Variants in OSTN observed in about 807,000 individuals in gnomAD.
The protein encoded by OSTN is osteocrin.
In OSTN, 9 loss-of-function variants were observed where a neutral mutation model predicts 12.0. That is an observed-to-expected ratio of 0.75 (90% confidence interval 0.45 to 1.30). The LOEUF is 1.30. OSTN is among the 50% of genes most tolerant of loss of function. The pLI, the probability that OSTN is intolerant of heterozygous loss-of-function variation, is 0.00. For synonymous variants in OSTN, 59 were observed against 56.9 expected, an observed-to-expected ratio of 1.04 and a Z score of -0.16; for missense variants, 148 against 152.3, an observed-to-expected ratio of 0.97 and a Z score of 0.15.
At chr3:191,255,043 G>A (rs1715640616) in intron 4 of OSTN, among the ~76,000 whole-genome samples, 1 of 152,142 alleles carries the variant, frequency 6.6e-6, no homozygotes, top group South Asian at 2.1e-4. Flanking sequence ...TGGTTTCCTG[G>A]AAGACAATTT....
rs1471174417 is a variant in OSTN at position 191,218,793 on chromosome 3, G to A, written c.149G>A (p.Arg50Lys). The A allele has an allele frequency of 6.2e-7, 1 of 1,614,060 alleles. No individual in the cohort carries two copies. Among genetic ancestry groups the A allele is most frequent in the Non-Finnish European group, 8.5e-7 (1 of 1,179,972 alleles). Residue 50 changes from arginine to lysine, a missense_variant, in exon 3 of 5, where the codon AGG becomes AAG. Transcript: ENST00000682035. ...GATGTGCAGTCAACACCCACAGTCA[G>A]GGAAGAGAAATCAGCCACTGACCTG... Reference protein sequence around the residue: ...VIDVQSTPTVREEKSATDLTA... With the variant: ...VIDVQSTPTVKEEKSATDLTA...
chr3:191,208,144 TA>T (rs564865260), intron 1 of OSTN, among the ~76,000 whole-genome samples: 50 of 151,272 alleles, frequency 3.3e-4, no homozygotes, highest in Admixed American at 1.2e-3. Context: ...AATGATGTGC[TA>T]AAAAAAAATG....
At chr3:191,217,790 G>A (rs1273711672) in intron 2 of OSTN, among the ~76,000 whole-genome samples, 2 of 152,180 alleles carry the variant, frequency 1.3e-5, no homozygotes, top group African/African-American at 4.8e-5. Context: ...TAGAGATGGT[G>A]AGATGCTTAG....
chr3:191,223,973 A>G (rs182758623), intron 3 of OSTN, among the ~76,000 whole-genome samples: 1 of 152,298 alleles, frequency 6.6e-6, no homozygotes, highest in Admixed American at 6.5e-5. Flanking sequence ...GATGGATAAT[A>G]GTAAAAGAAT....
In OSTN at chr3:191,258,700, A is replaced by G. The variant is rs75080221; in HGVS notation, c.*13-4166A>G. ...TCAAGGCTTTCACTGAATCCCAGGT[A>G]CCCCCAAAAGAGGAAAGCACCATGG... On this transcript the variant is annotated intron_variant, in intron 4 of 4. Transcript: ENST00000682035. 2.0e-3 allele frequency among the ~76,000 whole-genome samples: 310 copies of G among 151,794 alleles called. 8 individuals are homozygous for G. In the East Asian group the frequency reaches 0.053, roughly 26 times the overall value.
chr3:191,238,204 C>A (rs1444920067), intron 3 of OSTN, among the ~76,000 whole-genome samples: 6 of 152,024 alleles, frequency 3.9e-5, no homozygotes, highest in Non-Finnish European at 8.8e-5. Flanking sequence ...GTGACTGAGG[C>A]ATTTCTCAAT....
rs1289076528 is a variant in OSTN at position 191,263,174 on chromosome 3, C to CATG, written c.*322_*324dup. The CATG allele has an allele frequency of 3.5e-6, 1 of 289,580 alleles. No individual in the cohort carries two copies. Among genetic ancestry groups the CATG allele is most frequent in the African/African-American group, 2.2e-5 (1 of 45,922 alleles). The allele number at this position is 289,580 out of a possible 1,614,324, so 17.9% of individuals were successfully genotyped here. A position where few individuals can be genotyped will look rare whatever the true frequency, so the allele number is the denominator to read the frequency against. On this transcript the variant is annotated 3_prime_UTR_variant, in exon 5 of 5. Transcript: ENST00000682035. ...TGAAATGCCTTCTGTATGGATTTAC[C>CATG]ATGCACATGTTTGTAGTCAAAGAAT...
At chr3:191,236,814 C>T (rs1715203373) in intron 3 of OSTN, among the ~76,000 whole-genome samples, 1 of 152,128 alleles carries the variant, frequency 6.6e-6, no homozygotes, top group Admixed American at 6.5e-5. Context: ...AAATGCCTGA[C>T]CTTCTGGGAA....
intron 3 of OSTN, among the ~76,000 whole-genome samples, chr3:191,246,663 G>A (rs1715439753): frequency 6.6e-6 from 1 of 151,186 alleles, no homozygotes; most frequent in South Asian, 2.1e-4. Context: ...GAAAGGTAAA[G>A]GGGAAGGGGA....
chr3:191,213,132 G>C (rs1714509626), intron 2 of OSTN, among the ~76,000 whole-genome samples: 1 of 151,902 alleles, frequency 6.6e-6, no homozygotes. Context: ...ACCTTCCAAA[G>C]TGCTGGGATT....
chr3:191,216,119 G>A (rs1714603735), intron 2 of OSTN, among the ~76,000 whole-genome samples: 1 of 151,848 alleles, frequency 6.6e-6, no homozygotes, highest in African/African-American at 2.4e-5. Context: ...CAATGTACCA[G>A]CAGGCCCCCA....
chr3:191,263,019 A>G lies in OSTN; in HGVS notation c.*166A>G, dbSNP rs1715846759. 1 of 581,226 alleles carries G rather than the reference A, an allele frequency of 1.7e-6. No homozygotes were observed. Among genetic ancestry groups the G allele is most frequent in the Non-Finnish European group, 3.1e-6 (1 of 321,204 alleles). The allele number at this position is 581,226 out of a possible 1,614,324, so 36.0% of individuals were successfully genotyped here. ...GTCCATCACATTACAGCATTGTTAC[A>G]GCTTCAATTAAATTGTGTAAATCAT... is the stretch of plus-strand genomic sequence containing the variant. On this transcript the variant is annotated 3_prime_UTR_variant, in exon 5 of 5. Coordinates refer to ENST00000682035, the MANE Select transcript of OSTN (RefSeq NM_198184.2).
chr3:191,243,849 T>C (rs1715373408), intron 3 of OSTN, among the ~76,000 whole-genome samples: 1 of 152,136 alleles, frequency 6.6e-6, no homozygotes, highest in Non-Finnish European at 1.5e-5. Context: ...TTCATCGTAC[T>C]CAATTCCTTT....
At chr3:191,204,487 A>G (rs1714224543) in intron 1 of OSTN, among the ~76,000 whole-genome samples, 1 of 152,202 alleles carries the variant, frequency 6.6e-6, no homozygotes, top group Non-Finnish European at 1.5e-5. Context: ...ATTTGAGTTT[A>G]TGAAGATCCC....
rs373000457 is a variant in OSTN at position 191,263,336 on chromosome 3, C to A, written c.*483C>A. The A allele has an allele frequency of 6.6e-6, 1 of 152,666 alleles. No homozygotes were observed. The highest frequency in any genetic ancestry group is 1.5e-5 in the Non-Finnish European group (1 of 68,468). The allele number at this position is 152,666 out of a possible 1,614,324, so 9.5% of individuals were successfully genotyped here. ...TATTCCATTTTTCCAAGAGTCTGAT[C>A]GGTAATAATTATGAAATTAGGCTTC... On this transcript the variant is annotated 3_prime_UTR_variant, in exon 5 of 5. Coordinates refer to ENST00000682035, the MANE Select transcript of OSTN (RefSeq NM_198184.2).
rs758051030 is a variant in OSTN, at chr3:191,218,871, T to C, written c.227T>C (p.Ile76Thr). 1.2e-6 allele frequency: 2 copies of C among 1,614,110 alleles called. No homozygotes were observed. The highest frequency in any genetic ancestry group is 4.5e-5 in the East Asian group (2 of 44,874). ...TTGGTGTCCCTAGAAAATGATGTGA[T>C]TGAGACAAAGAAGAAAAGGAGTTTC... ...DELVSLENDV[I>T]ETKKKRSFSG... The change falls in exon 3 of 5, where the codon ATT (isoleucine) becomes ACT (threonine). Residue 76 changes from isoleucine to threonine, a missense_variant. Transcript: ENST00000682035.
chr3:191,259,441 TCCAC>T (rs1715752351), intron 4 of OSTN, among the ~76,000 whole-genome samples: 7 of 151,670 alleles, frequency 4.6e-5, no homozygotes, highest in Non-Finnish European at 7.4e-5. Context: ...GACATCATGA[TCCAC>T]CCGCCTTGGC....
chr3:191,212,506 G>A, intron 1 of OSTN, 27 bp from the exon 2 acceptor site: 1 of 1,462,728 alleles, frequency 6.8e-7, no homozygotes, highest in Non-Finnish European at 9.4e-7. Context: ...ACGAATCAAT[G>A]CTAACTATGA....
chr3:191,232,832 C>A (rs1405271470), intron 3 of OSTN, among the ~76,000 whole-genome samples: 3 of 152,132 alleles, frequency 2.0e-5, no homozygotes, highest in Non-Finnish European at 4.4e-5. Context: ...CCAGCCTGGT[C>A]TCGAGCTCCT....
Sources: allele counts gnomAD v4.1 joint callset (sites outside exome capture counted in the v4.1 genomes callset), GRCh38; gene constraint gnomAD v4.1.1; transcripts MANE v1.5; gene names NCBI Gene and HGNC (gene_info 2026-07-23, HGNC 2026-07-21).